Variants in DLG2 observed in about 807,000 individuals in gnomAD.
DLG2 encodes the protein discs large MAGUK scaffold protein 2.
DLG2 carries 45 observed loss-of-function variants against 132.5 expected under a neutral mutation model. The observed-to-expected ratio is 0.34, with a 90% CI of 0.27 to 0.44. The LOEUF (loss-of-function observed/expected upper bound fraction) is 0.44, where lower values mean the gene tolerates loss of function less well. Among genes scored for constraint, DLG2 ranks in the 20% least tolerant of loss-of-function variants. The pLI, the probability that DLG2 is intolerant of heterozygous loss-of-function variation, is 1.00. For synonymous variants in DLG2, 424 were observed against 419.6 expected, an observed-to-expected ratio of 1.01 and a Z score of -0.13; for missense variants, 1,045 against 1,196.9, an observed-to-expected ratio of 0.87 and a Z score of 1.87.
intron 9 of DLG2, among the ~76,000 whole-genome samples, chr11:84,142,317 C>T (rs1596027104): frequency 4.6e-5 from 2 of 43,458 alleles, no homozygotes; most frequent in Non-Finnish European, 9.5e-5. Flanking sequence ...GAGAATCCAT[C>T]TCAAAAAAAA....
At chr11:84,673,064 T>C (rs367821498) in intron 6 of DLG2, among the ~76,000 whole-genome samples, 9 of 151,804 alleles carry the variant, frequency 5.9e-5, no homozygotes, top group Non-Finnish European at 8.8e-5. Flanking sequence ...AAGGGGGAAA[T>C]TGACCCCCAT....
At chr11:84,984,289 G>GA (rs2056172011) in intron 6 of DLG2, among the ~76,000 whole-genome samples, 7 of 152,112 alleles carry the variant, frequency 4.6e-5, no homozygotes, top group Admixed American at 4.6e-4. Flanking sequence ...TTTCTATGCA[G>GA]AAACTCTAGA....
chr11:83,874,495 G>A lies in DLG2; in HGVS notation c.1497-7C>T. 1 of 1,590,322 alleles carries A rather than the reference G, an allele frequency of 6.3e-7. No individual in the cohort carries two copies. The highest frequency in any genetic ancestry group is 8.6e-7 in the Non-Finnish European group (1 of 1,166,190). On this transcript the variant is annotated splice_polypyrimidine_tract_variant and splice_region_variant and intron_variant, in intron 15 of 27. Transcript: ENST00000376104. ...GGTGCTATGTTGGGAATGACTGCAAGAAAAGACAGAAGAAACACACATCAT... is the reference window on the plus strand; with the variant it reads ...GGTGCTATGTTGGGAATGACTGCAAAAAAAGACAGAAGAAACACACATCAT...
At chr11:85,414,823 G>A (rs2089673692) in intron 3 of DLG2, among the ~76,000 whole-genome samples, 1 of 151,526 alleles carries the variant, frequency 6.6e-6, no homozygotes, top group Non-Finnish European at 1.5e-5. Context: ...TTTTCCTGTT[G>A]GACAAGGCAT....
intron 3 of DLG2, among the ~76,000 whole-genome samples, chr11:85,560,748 C>T (rs529592221): frequency 9.2e-5 from 14 of 151,826 alleles, no homozygotes; most frequent in Admixed American, 8.5e-4. Flanking sequence ...GTGCTGTGAG[C>T]TGGCTAGGCA....
chr11:85,606,205 T>G (rs2080527376), intron 2 of DLG2, among the ~76,000 whole-genome samples: 1 of 152,190 alleles, frequency 6.6e-6, no homozygotes, highest in Admixed American at 6.5e-5. Flanking sequence ...AATTAGACAT[T>G]TTTCATATTT....
At chr11:84,953,371 T>C (rs1277611474) in intron 6 of DLG2, among the ~76,000 whole-genome samples, 1 of 152,202 alleles carries the variant, frequency 6.6e-6, no homozygotes, top group Non-Finnish European at 1.5e-5. Context: ...TATTTTTTCA[T>C]AGTAATTGTC....
intron 6 of DLG2, among the ~76,000 whole-genome samples, chr11:85,097,531 T>C (rs1240598955): frequency 2.0e-5 from 3 of 152,258 alleles, no homozygotes; most frequent in African/African-American, 4.8e-5. Flanking sequence ...TGATGAGCTA[T>C]AGAAGACTCA....
At chr11:83,511,047 CTCT>C (rs1309647716) in intron 21 of DLG2, among the ~76,000 whole-genome samples, 2 of 118,954 alleles carry the variant, frequency 1.7e-5, no homozygotes, top group African/African-American at 6.7e-5. Context: ...AAAAAAAACC[CTCT>C]CTGTCTTCCT....
Position 85,096,225 on chromosome 11 carries a change from A to T in DLG2, c.357+15436T>A, listed in dbSNP as rs532148715. Among the ~76,000 whole-genome samples the T allele has an allele frequency of 1.1e-3, 161 of 152,320 alleles. 1 individual carries two copies. The highest frequency in any genetic ancestry group is 3.8e-3 in the African/African-American group (156 of 41,580). On this transcript the variant is annotated intron_variant, in intron 6 of 27. Transcript: ENST00000376104. ...GCTGGCCACCCGCGCCAGCAGTGGC[A>T]ACCTGCTCGGGTCCCCTTCCAGGCT... is the stretch of plus-strand genomic sequence containing the variant.
chr11:83,982,584 A>G (rs2092892918), intron 11 of DLG2, among the ~76,000 whole-genome samples: 1 of 152,102 alleles, frequency 6.6e-6, no homozygotes, highest in Non-Finnish European at 1.5e-5. Context: ...GTGTTATTAC[A>G]AAAGAGTCAA....
chr11:84,251,996 G>A (rs1335495038), intron 7 of DLG2, among the ~76,000 whole-genome samples: 1 of 151,940 alleles, frequency 6.6e-6, no homozygotes, highest in East Asian at 1.9e-4. Context: ...TCTCAAGGAA[G>A]CAAAATTAAA....
intron 4 of DLG2, among the ~76,000 whole-genome samples, chr11:85,207,643 A>G (rs1202371639): frequency 6.6e-6 from 1 of 152,128 alleles, no homozygotes; most frequent in African/African-American, 2.4e-5. Flanking sequence ...TTATATTCTG[A>G]GAGAATATTT....
chr11:83,869,784 A>G (rs955216467), intron 16 of DLG2, among the ~76,000 whole-genome samples: 5 of 152,186 alleles, frequency 3.3e-5, no homozygotes, highest in Admixed American at 6.5e-5. Flanking sequence ...TTTAAGTGCT[A>G]CTTGTAAAGG....
intron 17 of DLG2, among the ~76,000 whole-genome samples, chr11:83,787,748 A>C (rs943343393): frequency 1.3e-5 from 2 of 152,132 alleles, no homozygotes; most frequent in Non-Finnish European, 1.5e-5. Flanking sequence ...TTTGGGTCCC[A>C]TACTGAAAGA....
At position 85,588,962 on chromosome 11, in the gene DLG2, C is replaced by T. The variant is rs866745417; in HGVS notation, c.40+9695G>A. Among the ~76,000 whole-genome samples the T allele has an allele frequency of 5.3e-5, 8 of 152,142 alleles. No individual in the cohort carries two copies. The South Asian group carries it at 6.2e-4, about 12-fold the overall frequency. ...CTCTTCTGAGTCTAGCCACCGAGTA[C>T]GGCTACCAGGCTCCGAGCTGGTGCT... is the stretch of plus-strand genomic sequence containing the variant. On this transcript the variant is annotated intron_variant, in intron 3 of 27. Coordinates refer to ENST00000376104, the MANE Select transcript of DLG2 (RefSeq NM_001142699.3).
chr11:85,106,401 A>G (rs1186994917), intron 6 of DLG2, among the ~76,000 whole-genome samples: 2 of 151,956 alleles, frequency 1.3e-5, no homozygotes, highest in East Asian at 3.9e-4. Flanking sequence ...TTTTTCAAGA[A>G]CTGCAAGATT....
chr11:84,986,866 T>C (rs1196063800), intron 6 of DLG2, among the ~76,000 whole-genome samples: 1 of 152,138 alleles, frequency 6.6e-6, no homozygotes, highest in Non-Finnish European at 1.5e-5. Flanking sequence ...CAAGGATGCC[T>C]GCTCTAATCA....
At chr11:84,671,154 G>C (rs2099705494) in intron 6 of DLG2, among the ~76,000 whole-genome samples, 1 of 151,600 alleles carries the variant, frequency 6.6e-6, no homozygotes, top group Admixed American at 6.6e-5. Context: ...GAGTGCAGTG[G>C]TGAGATCACA....
Sources: gnomAD v4.1 joint callset for allele counts (sites outside exome capture counted in the v4.1 genomes callset) on GRCh38, gnomAD v4.1.1 for gene constraint, MANE v1.5 for transcripts, NCBI Gene and HGNC (gene_info 2026-07-23, HGNC 2026-07-21) for gene names.